The following CLNK variants were observed in gnomAD, a reference collection of about 807,000 sequenced individuals.
CLNK encodes cytokine-dependent hematopoietic cell linker.
Under a neutral mutation model 68.6 loss-of-function variants are expected in CLNK, and 74 were observed. The ratio of observed to expected loss-of-function variants is 1.08; its 90% confidence interval spans 0.89 to 1.31. The LOEUF is 1.31. Among genes scored for constraint, CLNK ranks in the 50% most tolerant of loss-of-function variants. The pLI, the probability that CLNK is intolerant of heterozygous loss-of-function variation, is 0.00. For synonymous variants in CLNK, 198 were observed against 172.2 expected (o/e 1.15, Z -1.17); for missense variants, 553 against 515.3 (o/e 1.07, Z -0.71).
intron 3 of CLNK, among the ~76,000 whole-genome samples, chr4:10,585,430 T>C (rs1720934679): frequency 6.6e-6 from 1 of 152,230 alleles, no homozygotes; most frequent in Non-Finnish European, 1.5e-5. Context: ...TCGAACTGTG[T>C]TCAAATCAGG....
intron 2 of CLNK, among the ~76,000 whole-genome samples, chr4:10,662,336 G>A (rs965139293): frequency 4.6e-5 from 7 of 152,138 alleles, no homozygotes; most frequent in African/African-American, 1.7e-4. Flanking sequence ...AAATCCCCTG[G>A]GGCCAGGAAT....
At chr4:10,504,562 A>T (rs1717210264) in intron 17 of CLNK, among the ~76,000 whole-genome samples, 1 of 152,184 alleles carries the variant, frequency 6.6e-6, no homozygotes. Flanking sequence ...AGCCAAACCA[A>T]ATTCTCACCC....
the CLNK span, among the ~76,000 whole-genome samples, chr4:10,692,470 C>T: frequency 3.9e-5 from 6 of 152,170 alleles, no homozygotes; most frequent in East Asian, 1.9e-4. Flanking sequence ...TGAACGCGAA[C>T]GCTCTGAGAC....
At chr4:10,613,803 A>G (rs1722126008) in intron 2 of CLNK, among the ~76,000 whole-genome samples, 1 of 152,164 alleles carries the variant, frequency 6.6e-6, no homozygotes, top group Non-Finnish European at 1.5e-5. Flanking sequence ...GCTCTTTTGG[A>G]AACCATTAAA....
intron 2 of CLNK, among the ~76,000 whole-genome samples, chr4:10,658,733 C>A (rs1193952818): frequency 6.6e-6 from 1 of 152,162 alleles, no homozygotes; most frequent in Admixed American, 6.5e-5. Context: ...AAAGACTATG[C>A]ACGGACCCGA....
intron 2 of CLNK, among the ~76,000 whole-genome samples, chr4:10,658,513 G>A (rs1422020175): frequency 1.3e-5 from 2 of 152,190 alleles, no homozygotes; most frequent in Non-Finnish European, 2.9e-5. Context: ...CATTCAGATG[G>A]TTATTTCAGG....
chr4:10,587,727 G>A (rs192545639), intron 3 of CLNK, among the ~76,000 whole-genome samples: 56 of 152,192 alleles, frequency 3.7e-4, no homozygotes, highest in African/African-American at 1.1e-3. Context: ...TAGGAAATAG[G>A]GTATTCAGAG....
chr4:10,727,842 G>C, the CLNK span, among the ~76,000 whole-genome samples: 2 of 152,204 alleles, frequency 1.3e-5, no homozygotes, highest in African/African-American at 4.8e-5. Flanking sequence ...AAAATCATCT[G>C]ATAACTTATA....
the CLNK span, among the ~76,000 whole-genome samples, chr4:10,733,695 T>C: frequency 6.6e-6 from 1 of 152,242 alleles, no homozygotes; most frequent in African/African-American, 2.4e-5. Flanking sequence ...CACCATGCTG[T>C]CCATCTTCTT....
chr4:10,597,665 G>T (rs1450697941), intron 3 of CLNK, among the ~76,000 whole-genome samples: 1 of 152,124 alleles, frequency 6.6e-6, no homozygotes, highest in African/African-American at 2.4e-5. Flanking sequence ...TCATTCATTG[G>T]CAGAGGAATA....
chr4:10,676,576 A>G (rs915435451), intron 1 of CLNK, among the ~76,000 whole-genome samples: 1 of 151,872 alleles, frequency 6.6e-6, no homozygotes, highest in African/African-American at 2.4e-5. Context: ...CTCTTAATGA[A>G]CTGATGCAAT....
intron 11 of CLNK, among the ~76,000 whole-genome samples, chr4:10,537,190 G>A (rs1718791077): frequency 6.6e-6 from 1 of 152,164 alleles, no homozygotes; most frequent in South Asian, 2.1e-4. Flanking sequence ...AGAAAATACA[G>A]CCTCTGGCTG....
intron 15 of CLNK, among the ~76,000 whole-genome samples, chr4:10,517,182 A>C (rs1012594139): frequency 1.3e-5 from 2 of 152,154 alleles, no homozygotes; most frequent in African/African-American, 4.8e-5. Context: ...GCCATTATTA[A>C]AAATATTTAG....
intron 2 of CLNK, among the ~76,000 whole-genome samples, chr4:10,625,880 A>T (rs1207951747): frequency 6.6e-6 from 1 of 152,236 alleles, no homozygotes; most frequent in East Asian, 1.9e-4. Context: ...GGGTTCTCAT[A>T]TGGGGAAGGA....
chr4:10,678,129 C>T (rs916965541), intron 1 of CLNK, among the ~76,000 whole-genome samples: 3 of 152,176 alleles, frequency 2.0e-5, no homozygotes, highest in African/African-American at 7.2e-5. Flanking sequence ...ATTTCTTTTT[C>T]TCTTCTTTTA....
chr4:10,642,849 T>C (rs1723363851), intron 2 of CLNK, among the ~76,000 whole-genome samples: 1 of 152,190 alleles, frequency 6.6e-6, no homozygotes, highest in Non-Finnish European at 1.5e-5. Context: ...GAAGGGTATG[T>C]AAAATAGTGA....
the CLNK span, among the ~76,000 whole-genome samples, chr4:10,699,334 G>A: frequency 2.4e-3 from 189 of 79,020 alleles, 2 homozygotes; most frequent in Middle Eastern, 0.013. Flanking sequence ...CACCACATAC[G>A]TGTGTGTATA....
intron 18 of CLNK, among the ~76,000 whole-genome samples, chr4:10,500,844 C>A (rs1316883477): frequency 2.0e-5 from 3 of 152,202 alleles, no homozygotes; most frequent in Non-Finnish European, 4.4e-5. Flanking sequence ...AGCCCTAATG[C>A]TGTGGCTGGG....
intron 2 of CLNK, among the ~76,000 whole-genome samples, chr4:10,667,351 C>A: frequency 6.8e-6 from 1 of 147,438 alleles, no homozygotes; most frequent in Middle Eastern, 3.5e-3. Context: ...ATAAATATTT[C>A]TTAAACTTTT....
Sources: allele counts gnomAD v4.1 joint callset (sites outside exome capture counted in the v4.1 genomes callset), GRCh38; gene constraint gnomAD v4.1.1; transcripts MANE v1.5; gene names NCBI Gene and HGNC (gene_info 2026-07-23, HGNC 2026-07-21).